The following PRORP variants were observed in gnomAD, a reference collection of about 807,000 sequenced individuals.
The protein encoded by PRORP is mitochondrial ribonuclease P catalytic subunit.
Under a neutral mutation model 59.4 loss-of-function variants are expected in PRORP, and 51 were observed. The observed-to-expected ratio is 0.86, with a 90% CI of 0.69 to 1.08. PRORP has a LOEUF of 1.08. Among genes scored for constraint, PRORP ranks in the 50% least tolerant of loss-of-function variants. PRORP has a pLI of 0.00. For synonymous variants in PRORP, 231 were observed against 245.6 expected, an observed-to-expected ratio of 0.94 and a Z score of 0.55; for missense variants, 646 against 690.3, an observed-to-expected ratio of 0.94 and a Z score of 0.72.
intron 6 of PRORP, among the ~76,000 whole-genome samples, chr14:35,270,087 A>G (rs2051146221): frequency 6.6e-6 from 1 of 152,220 alleles, no homozygotes; most frequent in South Asian, 2.1e-4. Context: ...GGCAAATAGG[A>G]AAAATGCCCA....
chr14:35,217,850 C>G (rs4982247), intron 5 of PRORP, among the ~76,000 whole-genome samples: 108,152 of 151,978 alleles, frequency 0.71, 38,992 homozygotes, highest in Admixed American at 0.79. Context: ...GTGTAGCTTT[C>G]TAGCAAGTTT....
chr14:35,140,231 A>ATG (rs61039213), intron 4 of PRORP, among the ~76,000 whole-genome samples: 4 of 141,342 alleles, frequency 2.8e-5, no homozygotes, highest in African/African-American at 5.0e-5. Flanking sequence ...TATGGTAGAT[A>ATG]TGTGTGTGTG....
chr14:35,218,279 G>A (rs970381262), intron 5 of PRORP, among the ~76,000 whole-genome samples: 7 of 151,394 alleles, frequency 4.6e-5, no homozygotes, highest in Non-Finnish European at 1.0e-4. Flanking sequence ...GGGCAACATA[G>A]TAAGACCCTG....
chr14:35,232,864 G>A (rs1170882721), intron 5 of PRORP, among the ~76,000 whole-genome samples: 5 of 152,048 alleles, frequency 3.3e-5, no homozygotes, highest in African/African-American at 9.6e-5. Context: ...TAGTAGAGGC[G>A]GGGTTTCACC....
intron 5 of PRORP, among the ~76,000 whole-genome samples, chr14:35,197,693 C>G (rs1266230333): frequency 2.0e-5 from 3 of 152,084 alleles, no homozygotes; most frequent in Non-Finnish European, 4.4e-5. Flanking sequence ...ATTCACTCTG[C>G]CAACTCAAGT....
intron 5 of PRORP, among the ~76,000 whole-genome samples, chr14:35,189,767 A>G (rs2048835812): frequency 6.6e-6 from 1 of 152,190 alleles, no homozygotes. Context: ...AATTGTCAGA[A>G]TAGAAAATAG....
At chr14:35,259,246 T>G (rs768913351) in intron 5 of PRORP, among the ~76,000 whole-genome samples, 1 of 152,210 alleles carries the variant, frequency 6.6e-6, no homozygotes, top group Non-Finnish European at 1.5e-5. Flanking sequence ...GTCTATTTTA[T>G]TTAATATTAA....
intron 5 of PRORP, among the ~76,000 whole-genome samples, chr14:35,239,350 GA>G (rs771211660): frequency 7.9e-4 from 93 of 118,026 alleles, no homozygotes; most frequent in Admixed American, 1.1e-3. Flanking sequence ...TCCGTCTCAA[GA>G]AAAAAAAAAA....
intron 5 of PRORP, among the ~76,000 whole-genome samples, chr14:35,222,942 G>A (rs1052790820): frequency 2.6e-5 from 4 of 152,094 alleles, no homozygotes; most frequent in African/African-American, 9.7e-5. Context: ...CCTTCTGTCT[G>A]TCTGGGGTTA....
chr14:35,252,894 A>G (rs1404348985), intron 5 of PRORP, among the ~76,000 whole-genome samples: 1 of 151,880 alleles, frequency 6.6e-6, no homozygotes, highest in Non-Finnish European at 1.5e-5. Context: ...TGTTCTCTCC[A>G]CCTGTTCTGT....
chr14:35,263,827 T>C (rs1281396872), intron 5 of PRORP, among the ~76,000 whole-genome samples: 1 of 152,216 alleles, frequency 6.6e-6, no homozygotes, highest in East Asian at 1.9e-4. Flanking sequence ...ACAGAAACCA[T>C]TATTCCTAGC....
Position 35,265,388 on chromosome 14 carries a change from G to A in PRORP, c.1276-1339G>A, listed in dbSNP as rs74452456. Among the ~76,000 whole-genome samples the A allele has an allele frequency of 8.6e-3, 1,306 of 152,224 alleles. 28 individuals are homozygous for A. Among genetic ancestry groups the A allele is most frequent in the African/African-American group, 0.029 (1,204 of 41,536 alleles). ...TTTTACTTAGTAATATCCATTTATA[G>A]CTTAGTTTAATAGGTGGTACATAAA... On this transcript the variant is annotated intron_variant, in intron 5 of 7. Coordinates refer to ENST00000534898, the MANE Select transcript of PRORP (RefSeq NM_014672.4).
chr14:35,222,369 C>T (rs1273045932), intron 5 of PRORP: 1 of 152,170 alleles, frequency 6.6e-6, no homozygotes, highest in Non-Finnish European at 1.5e-5. Context: ...TCAAGAACCT[C>T]AGAGCAAAAC....
intron 4 of PRORP, among the ~76,000 whole-genome samples, chr14:35,151,913 CT>C (rs926623483): frequency 2.2e-4 from 28 of 127,638 alleles, no homozygotes; most frequent in Admixed American, 4.6e-4. Context: ...TTTTTTTCTT[CT>C]TTTTTTTTTG....
At chr14:35,237,084 TTCTC>T (rs34987600) in intron 5 of PRORP, among the ~76,000 whole-genome samples, 8 of 137,998 alleles carry the variant, frequency 5.8e-5, no homozygotes, top group Non-Finnish European at 4.8e-5. Context: ...CCTTCCTTCC[TTCTC>T]TCTCTCTCTC....
chr14:35,258,130 T>TC (rs757480559), intron 5 of PRORP, among the ~76,000 whole-genome samples: 1 of 152,014 alleles, frequency 6.6e-6, no homozygotes, highest in Non-Finnish European at 1.5e-5. Flanking sequence ...CCAGAAAAAT[T>TC]CAAACCAAAT....
chr14:35,201,355 T>C (rs928790384), intron 5 of PRORP, among the ~76,000 whole-genome samples: 1 of 152,216 alleles, frequency 6.6e-6, no homozygotes, highest in Non-Finnish European at 1.5e-5. Context: ...TTCACTTCCT[T>C]GAGGGCAGAG....
Position 35,172,492 on chromosome 14 carries a change from C to CTCTCTCCG in PRORP, c.1168-8171_1168-8170insGTCTCTCC, listed in dbSNP as rs1566474602. ...TCCCCTCTTTCCTTTCTTTCCCTTC[C>CTCTCTCCG]TCTCTCCCTCTCTCCCTCTCTCCCT... On this transcript the variant is annotated intron_variant, in intron 4 of 7. Transcript: ENST00000534898. Among the ~76,000 whole-genome samples, 32 of 45,470 alleles carry CTCTCTCCG rather than the reference C, an allele frequency of 7.0e-4. 2 individuals are homozygous for CTCTCTCCG. Among genetic ancestry groups the CTCTCTCCG allele is most frequent in the Non-Finnish European group, 1.0e-3 (19 of 18,186 alleles). The allele number at this position is 45,470 out of a possible 152,430, so 29.8% of individuals were successfully genotyped here.
At chr14:35,152,760 G>A (rs1333847173) in intron 4 of PRORP, among the ~76,000 whole-genome samples, 3 of 151,936 alleles carry the variant, frequency 2.0e-5, no homozygotes, top group Non-Finnish European at 4.4e-5. Context: ...ACGGGGTGGC[G>A]GCCGGGCAGA....
Sources: allele counts gnomAD v4.1 joint callset (sites outside exome capture counted in the v4.1 genomes callset), GRCh38; gene constraint gnomAD v4.1.1; transcripts MANE v1.5; gene names NCBI Gene and HGNC (gene_info 2026-07-23, HGNC 2026-07-21).